Variants in MACROD2 observed in about 807,000 individuals in gnomAD.
The protein encoded by MACROD2 is ADP-ribose glycohydrolase MACROD2.
In MACROD2, 36 loss-of-function variants were observed where a neutral mutation model predicts 70.4. The ratio of observed to expected loss-of-function variants is 0.51; its 90% confidence interval spans 0.39 to 0.68. The LOEUF is 0.68. Ranked by LOEUF, MACROD2 falls within the 30% of genes least tolerant of loss-of-function variation. MACROD2 has a pLI of 0.00. For missense variants in MACROD2, 496 were observed against 538.4 expected (o/e 0.92, Z 0.78); for synonymous variants, 172 against 178.8 (o/e 0.96, Z 0.30).
At chr20:15,172,394 C>A (rs529839338) in intron 5 of MACROD2, among the ~76,000 whole-genome samples, 8 of 152,240 alleles carry the variant, frequency 5.3e-5, no homozygotes, top group African/African-American at 1.9e-4. Flanking sequence ...GTAAATATTT[C>A]TTTCCTTCTC....
intron 6 of MACROD2, among the ~76,000 whole-genome samples, chr20:15,339,680 A>C (rs553785239): frequency 1.3e-5 from 2 of 151,898 alleles, no homozygotes; most frequent in South Asian, 4.1e-4. Context: ...TTCTAATACT[A>C]CACTTGTTAT....
At chr20:14,441,808 G>A (rs1252074747) in intron 3 of MACROD2, among the ~76,000 whole-genome samples, 2 of 152,132 alleles carry the variant, frequency 1.3e-5, no homozygotes, top group African/African-American at 4.8e-5. Context: ...GAACCAAGTT[G>A]CTGGTTTATT....
At chr20:14,279,208 T>G (rs1198633542) in intron 3 of MACROD2, among the ~76,000 whole-genome samples, 1 of 152,224 alleles carries the variant, frequency 6.6e-6, no homozygotes, top group Non-Finnish European at 1.5e-5. Context: ...CCCCTTCTAG[T>G]TTCTTACGAC....
chr20:15,091,933 G>A (rs2075795919), intron 5 of MACROD2, among the ~76,000 whole-genome samples: 1 of 152,040 alleles, frequency 6.6e-6, no homozygotes, highest in African/African-American at 2.4e-5. Flanking sequence ...CTTTGCCATT[G>A]TATTTATATG....
chr20:14,473,698 A>G (rs6079458), intron 3 of MACROD2, among the ~76,000 whole-genome samples: 20,666 of 152,134 alleles, frequency 0.14, 1,618 homozygotes, highest in East Asian at 0.31. Flanking sequence ...TGGTAGTTCT[A>G]TTTTTAAATT....
chr20:15,475,456 T>C (rs985265789), intron 7 of MACROD2, among the ~76,000 whole-genome samples: 1 of 152,252 alleles, frequency 6.6e-6, no homozygotes, highest in Non-Finnish European at 1.5e-5. Flanking sequence ...TTCTTTTCCT[T>C]GGCAACTGCA....
intron 8 of MACROD2, among the ~76,000 whole-genome samples, chr20:15,525,826 C>T (rs1377844313): frequency 1.3e-5 from 2 of 152,148 alleles, no homozygotes; most frequent in Non-Finnish European, 2.9e-5. Flanking sequence ...CCTTTGCTCA[C>T]ACAATGATCC....
At chr20:15,329,186 T>C (rs1268239185) in intron 6 of MACROD2, among the ~76,000 whole-genome samples, 6 of 152,238 alleles carry the variant, frequency 3.9e-5, no homozygotes, top group Admixed American at 6.5e-5. Context: ...CCATCCACCA[T>C]TTTCAAATTA....
chr20:13,998,783 G>A (rs961852824), intron 1 of MACROD2, among the ~76,000 whole-genome samples: 3 of 151,756 alleles, frequency 2.0e-5, no homozygotes, highest in Non-Finnish European at 4.4e-5. Context: ...GTGAAACCCC[G>A]TCTTTACTAA....
intron 8 of MACROD2, among the ~76,000 whole-genome samples, chr20:15,638,514 A>C (rs555322830): frequency 1.3e-5 from 2 of 152,314 alleles, no homozygotes; most frequent in East Asian, 3.9e-4. Context: ...GTCATTAGAC[A>C]AGACCAATAG....
At chr20:14,172,373 C>T (rs1319884136) in intron 3 of MACROD2, among the ~76,000 whole-genome samples, 2 of 138,216 alleles carry the variant, frequency 1.4e-5, no homozygotes, top group Non-Finnish European at 3.0e-5. Flanking sequence ...GGCATGATCT[C>T]GGCTCACTGC....
chr20:14,781,521 C>T (rs2072301023), intron 5 of MACROD2, among the ~76,000 whole-genome samples: 1 of 149,084 alleles, frequency 6.7e-6, no homozygotes, highest in African/African-American at 2.5e-5. Context: ...GCAAAAAAAT[C>T]TGTGTATGGA....
intron 4 of MACROD2, among the ~76,000 whole-genome samples, chr20:14,501,713 A>G (rs1377377143): frequency 6.6e-6 from 1 of 152,138 alleles, no homozygotes; most frequent in Non-Finnish European, 1.5e-5. Context: ...ATGCTCAAAG[A>G]TAGGAATTAA....
chr20:15,893,578 A>C (rs182516205), intron 10 of MACROD2: 3 of 399,698 alleles, frequency 7.5e-6, no homozygotes, highest in African/African-American at 6.2e-5. Context: ...ACAACATACA[A>C]TTCATTCAAA....
intron 5 of MACROD2, among the ~76,000 whole-genome samples, chr20:14,955,791 G>A (rs1464278218): frequency 6.6e-6 from 1 of 152,142 alleles, no homozygotes; most frequent in Non-Finnish European, 1.5e-5. Context: ...ACTATAGACT[G>A]GACTCTTACA....
chr20:15,107,792 T>C (rs1742437721), intron 5 of MACROD2, among the ~76,000 whole-genome samples: 1 of 152,138 alleles, frequency 6.6e-6, no homozygotes, highest in South Asian at 2.1e-4. Flanking sequence ...GTTGTTGTTT[T>C]AATGTGATAG....
intron 5 of MACROD2, among the ~76,000 whole-genome samples, chr20:15,170,427 A>G (rs1384800135): frequency 6.6e-6 from 1 of 152,200 alleles, no homozygotes; most frequent in Non-Finnish European, 1.5e-5. Flanking sequence ...GAAGTCAGGT[A>G]GGACCAGCTT....
chr20:14,692,673 C>A (rs1008670266), intron 5 of MACROD2, among the ~76,000 whole-genome samples: 1 of 152,214 alleles, frequency 6.6e-6, no homozygotes, highest in African/African-American at 2.4e-5. Context: ...TTCCAGGAAT[C>A]TGCAGAGCTA....
At chr20:15,047,399 C>G (rs1293709156) in intron 5 of MACROD2, among the ~76,000 whole-genome samples, 2 of 151,978 alleles carry the variant, frequency 1.3e-5, no homozygotes, top group African/African-American at 4.8e-5. Context: ...CAGCAATCAT[C>G]TGATGCAATG....
Sources: gnomAD v4.1 joint callset for allele counts (sites outside exome capture counted in the v4.1 genomes callset) on GRCh38, gnomAD v4.1.1 for gene constraint, MANE v1.5 for transcripts, NCBI Gene and HGNC (gene_info 2026-07-23, HGNC 2026-07-21) for gene names.